Variants in GNAS observed in about 807,000 individuals in gnomAD.
GNAS encodes GNAS complex locus.
A neutral mutation model predicts 54.5 loss-of-function variants in GNAS; 8 were observed. That is an observed-to-expected ratio of 0.15 (90% confidence interval 0.09 to 0.26). GNAS has a LOEUF of 0.26. GNAS is among the 10% of genes least tolerant of loss of function. The pLI, the probability that GNAS is intolerant of heterozygous loss-of-function variation, is 1.00. For missense variants in GNAS, 170 were observed against 529.8 expected (o/e 0.32, Z 6.67); for synonymous variants, 204 against 191.4 (o/e 1.07, Z -0.54).
chr20:58,908,943 A>G (rs1279203246), intron 6 of GNAS: 1 of 670,084 alleles, frequency 1.5e-6, no homozygotes, highest in Non-Finnish European at 2.7e-6. Context: ...CCTGATTCCT[A>G]AAATTATTTA....
At chr20:58,897,068 G>A (rs1456878043) in intron 2 of GNAS, among the ~76,000 whole-genome samples, 1 of 152,174 alleles carries the variant, frequency 6.6e-6, no homozygotes, top group Admixed American at 6.5e-5. Flanking sequence ...TGTTAGTTGA[G>A]GATGCTTTTT....
At chr20:58,895,119 T>C (rs768203644) in intron 1 of GNAS, 7 of 213,536 alleles carry the variant, frequency 3.3e-5, no homozygotes, top group Non-Finnish European at 4.7e-5. Context: ...CATCGCTACG[T>C]GATGTGGAAG....
chr20:58,859,533 A>T (rs765406676), intron 1 of GNAS, among the ~76,000 whole-genome samples: 1 of 151,328 alleles, frequency 6.6e-6, no homozygotes, highest in Non-Finnish European at 1.5e-5. Flanking sequence ...ATCTAGTCAT[A>T]TTTGTCTCTT....
intron 1 of GNAS, 68 bp downstream of exon 1, chr20:58,891,933 C>G: frequency 2.2e-6 from 2 of 899,126 alleles, no homozygotes; most frequent in Non-Finnish European, 1.3e-6. Flanking sequence ...AGGCCGCGCG[C>G]GCCGAGCCCG....
rs781147491 is a variant in GNAS, at chr20:58,841,936, C to A, written c.43+1050C>A. The stretch of plus-strand genomic sequence containing the variant: ...TCGCGTCTAACATCAGGATAACTTA[C>A]AATTCGTTTCCAAAGAGCGCGGTAC... On this transcript the variant is annotated intron_variant, in intron 1 of 12. Coordinates refer to the GNAS transcript ENST00000306090. This position sits in a 1 kb window ranked among gnomAD's most constrained non-coding sequence, Gnocchi z 5.0. The A allele has an allele frequency of 8.4e-7, 1 of 1,194,808 alleles. No individual in the cohort carries two copies. Among genetic ancestry groups the A allele is most frequent in the Non-Finnish European group, 1.0e-6 (1 of 954,180 alleles). 74.0% of individuals were successfully genotyped at this position (1,194,808 alleles called of 1,614,324 possible).
chr20:58,906,296 A>G (rs1282011157), intron 6 of GNAS, among the ~76,000 whole-genome samples: 1 of 152,174 alleles, frequency 6.6e-6, no homozygotes, highest in Non-Finnish European at 1.5e-5. Context: ...AACTTAAAAC[A>G]CAGACTTTAT....
Position 58,854,466 on chromosome 20 carries a change from G to A in GNAS, c.43+13580G>A, listed in dbSNP as rs752141160. The A allele has an allele frequency of 7.0e-6, 11 of 1,582,722 alleles. No individual in the cohort carries two copies. The highest frequency in any genetic ancestry group is 2.3e-5 in the East Asian group (1 of 42,622). On this transcript the variant is annotated intron_variant, in intron 1 of 12. Coordinates refer to the GNAS transcript ENST00000306090. Reference sequence around the variant, plus strand: ...CAGGGCAGCCCCTGCAGCCCCAGCCGATCCTGACTCCGGGGCAACCCCAGA... The same window carrying A: ...CAGGGCAGCCCCTGCAGCCCCAGCCAATCCTGACTCCGGGGCAACCCCAGA...
intron 3 of GNAS, among the ~76,000 whole-genome samples, chr20:58,899,762 TCTA>T (rs2090440601): frequency 6.6e-6 from 1 of 151,896 alleles, no homozygotes; most frequent in Non-Finnish European, 1.5e-5. Flanking sequence ...AGGTAACCAC[TCTA>T]GCTCTGCTGT....
At chr20:58,844,883 GT>G (rs2085885207) in intron 1 of GNAS, among the ~76,000 whole-genome samples, 1 of 152,180 alleles carries the variant, frequency 6.6e-6, no homozygotes, top group African/African-American at 2.4e-5. Flanking sequence ...TCTGTTTTGT[GT>G]TGGCTTCATG....
chr20:58,909,220 T>C lies in GNAS; in HGVS notation c.585+4T>C. 6.2e-7 allele frequency: 1 copy of C among 1,612,910 alleles called. No homozygotes were observed. The highest frequency in any genetic ancestry group is 1.1e-5 in the South Asian group (1 of 91,064). ...TGACTATGTGCCGAGCGATCAGGTG[T>C]GCAAAACCCCTCCCCACCAGAGGAC... On this transcript the variant is annotated splice_donor_region_variant and intron_variant, in intron 7 of 12. Transcript: ENST00000371085. The surrounding 1 kb of genome is among the most constrained non-coding windows in gnomAD (Gnocchi z 7.3).
intron 1 of GNAS, among the ~76,000 whole-genome samples, chr20:58,851,728 G>A (rs1036770390): frequency 3.3e-5 from 5 of 152,224 alleles, no homozygotes. Flanking sequence ...GTTTGTGGCC[G>A]GTTGGCGGGC....
chr20:58,901,815 C>G (rs976254227), intron 3 of GNAS, among the ~76,000 whole-genome samples: 1 of 151,188 alleles, frequency 6.6e-6, no homozygotes, highest in African/African-American at 2.4e-5. Flanking sequence ...TCGACAGGCC[C>G]GCACTTGACC....
At position 58,899,118 on chromosome 20, in the gene GNAS, A is replaced by G. The variant is rs182042270; in HGVS notation, c.257+133A>G. The G allele has an allele frequency of 3.1e-5, 24 of 774,646 alleles. No homozygotes were observed. The Admixed American group carries it at 3.7e-4, about 12-fold the overall frequency. The allele number at this position is 774,646 out of a possible 1,614,324, so 48.0% of individuals were successfully genotyped here. On this transcript the variant is annotated intron_variant, in intron 3 of 12. Coordinates refer to ENST00000371085, the MANE Select transcript of GNAS (RefSeq NM_000516.7). ...AGGACCATCAGCCATATTGGCATACATTTGTGAATAACACACAATTTCCTG... is the reference window on the plus strand; with the variant it reads ...AGGACCATCAGCCATATTGGCATACGTTTGTGAATAACACACAATTTCCTG...
In GNAS at chr20:58,841,959, T is replaced by A. The variant is rs906453208; in HGVS notation, c.43+1073T>A. ...TACAATTCGTTTCCAAAGAGCGCGG[T>A]ACGCGCAGAGCTGGGGAAAGGTGTT... On this transcript the variant is annotated intron_variant, in intron 1 of 12. Transcript: ENST00000306090. The surrounding 1 kb of genome is among the most constrained non-coding windows in gnomAD (Gnocchi z 5.0). The A allele has an allele frequency of 4.5e-6, 5 of 1,100,974 alleles. No homozygotes were observed. The highest frequency in any genetic ancestry group is 5.8e-6 in the Non-Finnish European group (5 of 868,516). 68.2% of individuals were successfully genotyped at this position (1,100,974 alleles called of 1,614,324 possible).
intron 1 of GNAS, chr20:58,892,133 T>TGCTCTCGCTCTC: frequency 2.1e-6 from 2 of 957,444 alleles, no homozygotes; most frequent in East Asian, 1.2e-4. Flanking sequence ...GTCTCTCTCT[T>TGCTCTCGCTCTC]GCTCTCGCTC....
chr20:58,891,664 G>GT lies in GNAS; in HGVS notation c.-62dup. Reference sequence around the variant, plus strand: ...CGCTGCCCCGGCCCTCCCGGCCCGCGTGAGGCCGCCCGCGCCCGCCGCCGC... The same window carrying GT: ...CGCTGCCCCGGCCCTCCCGGCCCGCGTTGAGGCCGCCCGCGCCCGCCGCCGC... On this transcript the variant is annotated 5_prime_UTR_variant, in exon 1 of 13. Transcript: ENST00000371085. 1 of 964,398 alleles carries GT rather than the reference G, an allele frequency of 1.0e-6. No individual in the cohort carries two copies. Among genetic ancestry groups the GT allele is most frequent in the Non-Finnish European group, 1.2e-6 (1 of 821,208 alleles). 59.7% of individuals were successfully genotyped at this position (964,398 alleles called of 1,614,324 possible).
intron 2 of GNAS, among the ~76,000 whole-genome samples, chr20:58,895,957 A>G (rs2090006598): frequency 6.6e-6 from 1 of 151,998 alleles, no homozygotes; most frequent in South Asian, 2.1e-4. Flanking sequence ...GTTGCAGGGG[A>G]CGCTTGACAG....
intron 1 of GNAS, among the ~76,000 whole-genome samples, chr20:58,880,764 TC>T (rs1032659226): frequency 6.6e-5 from 10 of 152,220 alleles, no homozygotes; most frequent in African/African-American, 2.4e-4. Flanking sequence ...TTTTTTTTTT[TC>T]CTCTCAAAAT....
chr20:58,893,486 A>G (rs1486593849), intron 1 of GNAS, among the ~76,000 whole-genome samples: 1 of 152,210 alleles, frequency 6.6e-6, no homozygotes. Flanking sequence ...CAGCTTGAGT[A>G]TAAAGAAAAT....
Sources: allele counts gnomAD v4.1 joint callset (sites outside exome capture counted in the v4.1 genomes callset), GRCh38; gene constraint gnomAD v4.1.1; non-coding constraint Gnocchi (gnomAD v3.1); transcripts MANE v1.5; gene names NCBI Gene and HGNC (gene_info 2026-07-23, HGNC 2026-07-21).